Variants in CFI observed in about 807,000 individuals in gnomAD.
CFI encodes the protein C3B/C4B inactivator.
Under a neutral mutation model 78.8 loss-of-function variants are expected in CFI, and 66 were observed. That is an observed-to-expected ratio of 0.84 (90% CI 0.69 to 1.03). CFI has a LOEUF of 1.03. CFI is among the 50% of genes least tolerant of loss of function. The pLI is 0.00. For missense variants in CFI, 706 were observed against 704.5 expected, an observed-to-expected ratio of 1.00 and a Z score of -0.02; for synonymous variants, 250 against 232.6, an observed-to-expected ratio of 1.07 and a Z score of -0.68.
intron 8 of CFI, among the ~76,000 whole-genome samples, chr4:109,752,123 C>T (rs1326449063): frequency 2.0e-5 from 3 of 151,996 alleles, no homozygotes; most frequent in Non-Finnish European, 4.4e-5. Context: ...TTTTCTATTT[C>T]AAAAAATTAT....
rs184185443 is a variant in CFI, at chr4:109,799,499, T to C, written c.57+2416A>G. 6.3e-4 allele frequency among the ~76,000 whole-genome samples: 96 copies of C among 152,276 alleles called. 1 individual carries two copies. The highest frequency in any genetic ancestry group is 2.3e-3 in the African/African-American group (94 of 41,560). On this transcript the variant is annotated intron_variant, in intron 1 of 12. Coordinates refer to ENST00000394634, the MANE Select transcript of CFI (RefSeq NM_000204.5). ...CTGCACCAGAGTTAGGAGAATTTCT[T>C]CCATATTAGATAGACAGATTTATAT...
At chr4:109,734,478 C>T in the CFI span, among the ~76,000 whole-genome samples, 2 of 152,102 alleles carry the variant, frequency 1.3e-5, no homozygotes, top group African/African-American at 4.8e-5. Flanking sequence ...GGAGAAAACA[C>T]AGTTGTAGTC....
chr4:109,760,068 A>G (rs1366034513), intron 6 of CFI: 2 of 691,478 alleles, frequency 2.9e-6, no homozygotes, highest in Non-Finnish European at 5.3e-6. Flanking sequence ...GTCTTTTAAT[A>G]GAAAGTTCTG....
chr4:109,759,253 TAAAA>T (rs199769430), intron 6 of CFI, among the ~76,000 whole-genome samples: 1 of 90,140 alleles, frequency 1.1e-5, no homozygotes. Flanking sequence ...TCAGTTTCTC[TAAAA>T]AAAAAAAAAA....
intron 1 of CFI, among the ~76,000 whole-genome samples, chr4:109,770,005 G>C (rs1728357354): frequency 6.6e-6 from 1 of 152,190 alleles, no homozygotes; most frequent in African/African-American, 2.4e-5. Flanking sequence ...TCACAATGAA[G>C]AGAAGCGGCA....
chr4:109,753,680 T>C (rs1290085907), intron 7 of CFI, among the ~76,000 whole-genome samples: 2 of 110,762 alleles, frequency 1.8e-5, no homozygotes, highest in African/African-American at 7.6e-5. Context: ...TTTTATATTA[T>C]ATATTATATA....
chr4:109,757,703 C>A, intron 7 of CFI, 60 bp downstream of exon 7: 1 of 1,111,008 alleles, frequency 9.0e-7, no homozygotes. Context: ...AATATAAGAC[C>A]AAAGAACCTG....
At chr4:109,756,932 A>AGAAAGAAAGAAAGAAAGAAG (rs1726318368) in intron 7 of CFI, among the ~76,000 whole-genome samples, 1 of 149,438 alleles carries the variant, frequency 6.7e-6, no homozygotes, top group African/African-American at 2.5e-5. Context: ...AAAGAAAGAA[A>AGAAAGAAAGAAAGAAAGAAG]GAAAGAAAGA....
intron 7 of CFI, among the ~76,000 whole-genome samples, chr4:109,756,601 C>T (rs1265133990): frequency 6.6e-6 from 1 of 151,908 alleles, no homozygotes; most frequent in African/African-American, 2.4e-5. Context: ...GTGGCTCACG[C>T]CTGTAATCCC....
rs144003083 is a variant in CFI, at chr4:109,774,556, A to C, written c.58-7732T>G. On this transcript the variant is annotated intron_variant, in intron 1 of 12. Transcript: ENST00000394634. ...GTAACAGGGGGAATAGGAGGAGATC[A>C]GGTCACAGAATTGGAGGAGTGGGTG... Among the ~76,000 whole-genome samples the C allele has an allele frequency of 5.4e-3, 826 of 152,276 alleles. 14 individuals are homozygous for C. The highest frequency in any genetic ancestry group is 0.019 in the African/African-American group (788 of 41,560).
intron 1 of CFI, among the ~76,000 whole-genome samples, chr4:109,794,657 G>T (rs937394681): frequency 2.0e-5 from 3 of 152,020 alleles, no homozygotes; most frequent in African/African-American, 7.3e-5. Flanking sequence ...GCTGGGTGTG[G>T]TGGTGGGCAC....
chr4:109,752,369 A>T (rs1224944800), intron 8 of CFI, 99 bp downstream of exon 8: 61 of 1,049,322 alleles, frequency 5.8e-5, no homozygotes, highest in Admixed American at 4.9e-4. Context: ...TTGATACCAA[A>T]ACTACTTGTT....
intron 1 of CFI, among the ~76,000 whole-genome samples, chr4:109,798,982 C>T (rs976290337): frequency 6.6e-6 from 1 of 152,070 alleles, no homozygotes; most frequent in African/African-American, 2.4e-5. Flanking sequence ...CCTGGGCACT[C>T]ACTCATCCAG....
chr4:109,776,629 A>G (rs534626412), intron 1 of CFI, among the ~76,000 whole-genome samples: 2 of 152,344 alleles, frequency 1.3e-5, no homozygotes, highest in Admixed American at 1.3e-4. Flanking sequence ...GAATGCCACA[A>G]AGATACTCCT....
intron 1 of CFI, among the ~76,000 whole-genome samples, chr4:109,782,171 A>T (rs990490843): frequency 6.6e-6 from 1 of 152,108 alleles, no homozygotes; most frequent in Admixed American, 6.6e-5. Context: ...GTAAACAGAC[A>T]AGAGAAATAA....
At chr4:109,736,043 G>A (rs1343778722), downstream of CFI, among the ~76,000 whole-genome samples, 3 of 152,186 alleles carry the variant, frequency 2.0e-5, no homozygotes, top group Non-Finnish European at 4.4e-5. Flanking sequence ...CGTCCAGGTG[G>A]CTGTATCTCA....
chr4:109,769,865 T>C (rs1164709272), intron 1 of CFI, among the ~76,000 whole-genome samples: 1 of 152,158 alleles, frequency 6.6e-6, no homozygotes, highest in African/African-American at 2.4e-5. Flanking sequence ...CTCTTTTATC[T>C]CTGCCACCAG....
At chr4:109,798,293 G>T (rs1019865074) in intron 1 of CFI, among the ~76,000 whole-genome samples, 1 of 152,128 alleles carries the variant, frequency 6.6e-6, no homozygotes, top group Non-Finnish European at 1.5e-5. Context: ...TTAAAAATTT[G>T]CTAAGAGCAC....
chr4:109,745,599 C>T (rs1231537121), intron 11 of CFI, among the ~76,000 whole-genome samples: 1 of 152,156 alleles, frequency 6.6e-6, no homozygotes, highest in Non-Finnish European at 1.5e-5. Context: ...GTGTTCACCA[C>T]AAGTCTTCTT....
Sources: gnomAD v4.1 joint callset for allele counts (sites outside exome capture counted in the v4.1 genomes callset) on GRCh38, gnomAD v4.1.1 for gene constraint, MANE v1.5 for transcripts, NCBI Gene and HGNC (gene_info 2026-07-23, HGNC 2026-07-21) for gene names.